Variants in SNTB1 observed in about 807,000 individuals in gnomAD.
SNTB1 encodes the protein beta-1-syntrophin.
A neutral mutation model predicts 48.9 loss-of-function variants in SNTB1; 36 were observed. That is an observed-to-expected ratio of 0.74 (90% CI 0.56 to 0.97). The LOEUF is 0.97. Ranked by LOEUF, SNTB1 falls within the 50% of genes least tolerant of loss-of-function variation. The pLI is 0.00. For synonymous variants in SNTB1, 299 were observed against 294.6 expected (o/e 1.01, Z -0.15); for missense variants, 786 against 703.4 (o/e 1.12, Z -1.33).
chr8:120,571,570 T>C (rs113461323), intron 4 of SNTB1, among the ~76,000 whole-genome samples: 31,458 of 136,478 alleles, frequency 0.23, 3,551 homozygotes, highest in Middle Eastern at 0.36. Context: ...TGATCTCAGC[T>C]CACTGCAACC....
intron 4 of SNTB1, among the ~76,000 whole-genome samples, chr8:120,561,136 T>C (rs1299426332): frequency 2.0e-5 from 3 of 151,902 alleles, no homozygotes; most frequent in African/African-American, 4.8e-5. Context: ...AAGACCAGCC[T>C]GACCAACATG....
intron 2 of SNTB1, among the ~76,000 whole-genome samples, chr8:120,692,755 C>T (rs978301934): frequency 6.6e-6 from 1 of 152,102 alleles, no homozygotes; most frequent in African/African-American, 2.4e-5. Context: ...ATCTAACCCT[C>T]CAAGTATACA....
chr8:120,665,609 GTT>G (rs1817662072), intron 2 of SNTB1, among the ~76,000 whole-genome samples: 1 of 151,970 alleles, frequency 6.6e-6, no homozygotes, highest in Non-Finnish European at 1.5e-5. Flanking sequence ...TTTTGCTTTA[GTT>G]ATTGTGTTTT....
At chr8:120,728,985 CT>C (rs61106051) in intron 1 of SNTB1, among the ~76,000 whole-genome samples, 18,939 of 145,200 alleles carry the variant, frequency 0.13, 1,423 homozygotes, top group African/African-American at 0.22. Flanking sequence ...GTTTACTGAC[CT>C]TTTTTTTTTT....
chr8:120,542,981 T>C (rs28373378), intron 5 of SNTB1, among the ~76,000 whole-genome samples: 2,963 of 152,262 alleles, frequency 0.019, 94 homozygotes, highest in African/African-American at 0.066. Flanking sequence ...AGGAGCACCC[T>C]GAGTGCGGCA....
At chr8:120,636,023 G>T in intron 2 of SNTB1, 1 of 1,002,162 alleles carries the variant, frequency 1.0e-6, no homozygotes, top group Non-Finnish European at 1.4e-6. Context: ...TTTGCAAGAT[G>T]GCTACTGAGT....
chr8:120,671,172 C>A (rs1031288414), intron 2 of SNTB1, among the ~76,000 whole-genome samples: 1 of 152,092 alleles, frequency 6.6e-6, no homozygotes, highest in Non-Finnish European at 1.5e-5. Flanking sequence ...TTTTTATCCA[C>A]TGATATTACC....
intron 1 of SNTB1, among the ~76,000 whole-genome samples, chr8:120,741,244 G>C (rs918015305): frequency 1.3e-5 from 2 of 152,102 alleles, no homozygotes; most frequent in African/African-American, 4.8e-5. Context: ...TTCTTTCTTT[G>C]TTTTAAGCAT....
At chr8:120,581,611 AG>A (rs1486357024) in intron 3 of SNTB1, among the ~76,000 whole-genome samples, 1 of 151,948 alleles carries the variant, frequency 6.6e-6, no homozygotes, top group African/African-American at 2.4e-5. Context: ...CTCAAAAAAA[AG>A]GAGAAGAGCA....
intron 2 of SNTB1, among the ~76,000 whole-genome samples, chr8:120,651,592 C>T (rs535000268): frequency 2.4e-4 from 36 of 152,056 alleles, no homozygotes; most frequent in African/African-American, 8.4e-4. Flanking sequence ...ATAACATACC[C>T]CAAAAGAACC....
intron 3 of SNTB1, among the ~76,000 whole-genome samples, chr8:120,602,126 T>C (rs1000445375): frequency 6.6e-6 from 1 of 152,254 alleles, no homozygotes; most frequent in Admixed American, 6.5e-5. Context: ...GGTACAGTCA[T>C]CTGTCTGCAT....
At chr8:120,776,121 A>T (rs928069086) in intron 1 of SNTB1, among the ~76,000 whole-genome samples, 1 of 152,210 alleles carries the variant, frequency 6.6e-6, no homozygotes, top group African/African-American at 2.4e-5. Flanking sequence ...TCATGCTGCT[A>T]TAAAGACACA....
intron 5 of SNTB1, among the ~76,000 whole-genome samples, chr8:120,547,260 G>T (rs1369096822): frequency 1.3e-5 from 2 of 152,064 alleles, no homozygotes; most frequent in Non-Finnish European, 1.5e-5. Context: ...TAAAATGCTG[G>T]TCTTGCCTGA....
chr8:120,696,236 G>A (rs1818208120), intron 1 of SNTB1, among the ~76,000 whole-genome samples: 1 of 152,218 alleles, frequency 6.6e-6, no homozygotes, highest in African/African-American at 2.4e-5. Flanking sequence ...AGGGATGAGT[G>A]TTGCAGGAGT....
chr8:120,644,140 C>G (rs1307251914), intron 2 of SNTB1, among the ~76,000 whole-genome samples: 1 of 149,364 alleles, frequency 6.7e-6, no homozygotes, highest in Non-Finnish European at 1.5e-5. Context: ...CTTGCAGATC[C>G]AAGTAAAGAG....
chr8:120,788,112 T>G (rs2130144744), intron 1 of SNTB1, among the ~76,000 whole-genome samples: 1 of 152,302 alleles, frequency 6.6e-6, no homozygotes, highest in East Asian at 1.9e-4. Flanking sequence ...CCAAGAATTC[T>G]GCATCCAGCA....
At chr8:120,584,225 T>G (rs1768751597) in intron 3 of SNTB1, among the ~76,000 whole-genome samples, 1 of 151,774 alleles carries the variant, frequency 6.6e-6, no homozygotes, top group African/African-American at 2.4e-5. Flanking sequence ...GCAGATCACC[T>G]GAGGTCAGGA....
intron 4 of SNTB1, among the ~76,000 whole-genome samples, chr8:120,572,788 G>A (rs531580244): frequency 2.0e-5 from 3 of 152,160 alleles, no homozygotes; most frequent in Admixed American, 6.5e-5. Flanking sequence ...GGTGGTGGGC[G>A]CCTATAATCC....
At chr8:120,765,626 A>T (rs960902900) in intron 1 of SNTB1, among the ~76,000 whole-genome samples, 4 of 152,176 alleles carry the variant, frequency 2.6e-5, no homozygotes, top group Non-Finnish European at 5.9e-5. Flanking sequence ...CAAGAAATGG[A>T]ACTCACAGCC....
Sources: gnomAD v4.1 joint callset for allele counts (sites outside exome capture counted in the v4.1 genomes callset) on GRCh38, gnomAD v4.1.1 for gene constraint, MANE v1.5 for transcripts, NCBI Gene and HGNC (gene_info 2026-07-23, HGNC 2026-07-21) for gene names.